SLC24A2: variants seen among roughly 807,000 people sequenced by gnomAD.
SLC24A2 encodes the protein solute carrier family 24 member 2, also known as sodium/potassium/calcium exchanger 2.
SLC24A2 carries 36 observed loss-of-function variants against 62.0 expected under a neutral mutation model. The observed-to-expected ratio is 0.58, with a 90% CI of 0.44 to 0.77. The LOEUF is 0.77. SLC24A2 is among the 30% of genes least tolerant of loss of function. The probability of loss-of-function intolerance (pLI) is 0.00; values close to 1 mark genes in which losing one functional copy is unlikely to be tolerated. For missense variants in SLC24A2, 846 were observed against 817.9 expected (o/e 1.03, Z -0.42); for synonymous variants, 358 against 294.0 (o/e 1.22, Z -2.23).
chr9:19,733,933 G>A (rs932886096), intron 2 of SLC24A2, among the ~76,000 whole-genome samples: 1 of 152,058 alleles, frequency 6.6e-6, no homozygotes, highest in African/African-American at 2.4e-5. Context: ...AGTCCAGGAA[G>A]AAAAACAAAA....
chr9:19,722,404 T>A (rs763628914), intron 2 of SLC24A2, among the ~76,000 whole-genome samples: 4 of 152,128 alleles, frequency 2.6e-5, no homozygotes, highest in Non-Finnish European at 5.9e-5. Context: ...ATATTATGAC[T>A]TTCTATATAA....
chr9:20,258,908 T>C, the SLC24A2 span, among the ~76,000 whole-genome samples: 1 of 145,466 alleles, frequency 6.9e-6, no homozygotes, highest in African/African-American at 2.5e-5. Context: ...ATGCTACAGA[T>C]TGTGTCTCTC....
intron 8 of SLC24A2, among the ~76,000 whole-genome samples, chr9:19,541,648 GCTGT>G: frequency 6.7e-6 from 1 of 148,368 alleles, no homozygotes; most frequent in African/African-American, 2.5e-5. Flanking sequence ...AGAGGTTACT[GCTGT>G]CTTTTTGTTT....
chr9:19,998,535 T>G, the SLC24A2 span, among the ~76,000 whole-genome samples: 3 of 152,342 alleles, frequency 2.0e-5, no homozygotes, highest in East Asian at 5.8e-4. Flanking sequence ...ATTAAAAACC[T>G]GCCCAGTGAA....
chr9:19,897,519 A>G, the SLC24A2 span, among the ~76,000 whole-genome samples: 1 of 152,202 alleles, frequency 6.6e-6, no homozygotes, highest in South Asian at 2.1e-4. Context: ...AAAACAGTGT[A>G]TTTTGTAAAG....
At chr9:19,762,389 T>A (rs1331223478) in intron 2 of SLC24A2, among the ~76,000 whole-genome samples, 1 of 152,220 alleles carries the variant, frequency 6.6e-6, no homozygotes, top group Non-Finnish European at 1.5e-5. Context: ...TGCCCATGCC[T>A]ATGTCCTGAA....
At chr9:20,017,970 G>A in the SLC24A2 span, among the ~76,000 whole-genome samples, 6 of 151,982 alleles carry the variant, frequency 3.9e-5, no homozygotes, top group South Asian at 6.2e-4. Context: ...TTTTTTACAC[G>A]GAGTCTCGCT....
chr9:19,526,580 T>C (rs1833455724), intron 9 of SLC24A2, among the ~76,000 whole-genome samples: 1 of 152,212 alleles, frequency 6.6e-6, no homozygotes. Flanking sequence ...ATGGTTTTGA[T>C]TTACACTTCT....
intron 2 of SLC24A2, among the ~76,000 whole-genome samples, chr9:19,625,800 C>T (rs533643493): frequency 1.1e-4 from 17 of 151,820 alleles, no homozygotes; most frequent in Admixed American, 5.9e-4. Flanking sequence ...AATTCTCCTG[C>T]CTCAGCCTCC....
chr9:20,025,552 G>C, the SLC24A2 span, among the ~76,000 whole-genome samples: 3 of 152,144 alleles, frequency 2.0e-5, no homozygotes, highest in Non-Finnish European at 4.4e-5. Flanking sequence ...ATGACCATAA[G>C]AATGATGATT....
intron 2 of SLC24A2, among the ~76,000 whole-genome samples, chr9:19,760,530 C>G (rs1033091928): frequency 1.1e-4 from 17 of 151,932 alleles, no homozygotes; most frequent in Middle Eastern, 3.4e-3. Flanking sequence ...CCCTGACCCC[C>G]CCAACAGGCT....
chr9:20,093,236 C>A, the SLC24A2 span, among the ~76,000 whole-genome samples: 1 of 151,778 alleles, frequency 6.6e-6, no homozygotes. Context: ...CCACACCTGG[C>A]TAATTTTGTA....
chr9:20,206,922 A>G, the SLC24A2 span, among the ~76,000 whole-genome samples: 3 of 151,912 alleles, frequency 2.0e-5, no homozygotes, highest in African/African-American at 7.3e-5. Context: ...TCCAATGAAT[A>G]AAGAAGTCCT....
chr9:19,691,240 A>G (rs537968013), intron 2 of SLC24A2, among the ~76,000 whole-genome samples: 17 of 152,300 alleles, frequency 1.1e-4, no homozygotes, highest in South Asian at 8.3e-4. Context: ...CAAAAAAGGA[A>G]GTTCAATAGA....
At chr9:19,665,504 T>C (rs1819225912) in intron 2 of SLC24A2, among the ~76,000 whole-genome samples, 1 of 152,150 alleles carries the variant, frequency 6.6e-6, no homozygotes, top group Non-Finnish European at 1.5e-5. Flanking sequence ...GCATTGGTGG[T>C]AGAATTCTCT....
At chr9:20,163,055 C>T in the SLC24A2 span, among the ~76,000 whole-genome samples, 13 of 152,224 alleles carry the variant, frequency 8.5e-5, no homozygotes, top group African/African-American at 3.1e-4. Flanking sequence ...GAAGCATTCC[C>T]TTTGAAAACT....
At chr9:20,295,036 G>GTATA in the SLC24A2 span, among the ~76,000 whole-genome samples, 3,410 of 145,640 alleles carry the variant, frequency 0.023, 115 homozygotes, top group African/African-American at 0.078. Context: ...GTGTATATAT[G>GTATA]TATATATATA....
the SLC24A2 span, among the ~76,000 whole-genome samples, chr9:19,913,018 T>A: frequency 6.6e-6 from 1 of 152,104 alleles, no homozygotes; most frequent in Admixed American, 6.6e-5. Context: ...GGTCTCCTGG[T>A]TTTCTTTATA....
the SLC24A2 span, among the ~76,000 whole-genome samples, chr9:19,980,606 A>T: frequency 2.0e-4 from 31 of 152,138 alleles, no homozygotes; most frequent in Non-Finnish European, 4.1e-4. Flanking sequence ...GTTTAATATG[A>T]GGTGGTAAGA....
Sources: allele counts gnomAD v4.1 joint callset (sites outside exome capture counted in the v4.1 genomes callset), GRCh38; gene constraint gnomAD v4.1.1; transcripts MANE v1.5; gene names NCBI Gene and HGNC (gene_info 2026-07-23, HGNC 2026-07-21).